The following IHO1 variants were observed in gnomAD, a reference collection of about 807,000 sequenced individuals.
IHO1 encodes interactor of HORMAD1 1.
Under a neutral mutation model 31.0 loss-of-function variants are expected in IHO1, and 13 were observed. The ratio of observed to expected loss-of-function variants is 0.42; its 90% confidence interval spans 0.27 to 0.67. The LOEUF is 0.67. Ranked by LOEUF, IHO1 falls within the 30% of genes least tolerant of loss-of-function variation. The probability of loss-of-function intolerance (pLI) is 0.24; values close to 1 mark genes in which losing one functional copy is unlikely to be tolerated. For synonymous variants in IHO1, 221 were observed against 248.4 expected, an observed-to-expected ratio of 0.89 and a Z score of 1.04; for missense variants, 599 against 687.5, an observed-to-expected ratio of 0.87 and a Z score of 1.44.
At chr3:49,235,112 A>G (rs1187271865) in intron 2 of IHO1, among the ~76,000 whole-genome samples, 1 of 151,844 alleles carries the variant, frequency 6.6e-6, no homozygotes, top group Non-Finnish European at 1.5e-5. Context: ...CCAAAGTGCT[A>G]GCTAGGATTA....
At chr3:49,207,388 G>A (rs546559289) in intron 1 of IHO1, among the ~76,000 whole-genome samples, 67 of 151,794 alleles carry the variant, frequency 4.4e-4, no homozygotes, top group Non-Finnish European at 8.4e-4. Flanking sequence ...TGGGACTACA[G>A]GTGCATGCCA....
At chr3:49,238,925 T>A (rs1359179701) in intron 3 of IHO1, among the ~76,000 whole-genome samples, 1 of 152,144 alleles carries the variant, frequency 6.6e-6, no homozygotes, top group Non-Finnish European at 1.5e-5. Context: ...GTTTTGCACA[T>A]AGTGTTATCA....
chr3:49,252,664 C>G (rs1428085171), intron 6 of IHO1, among the ~76,000 whole-genome samples: 1 of 152,164 alleles, frequency 6.6e-6, no homozygotes, highest in East Asian at 1.9e-4. Context: ...CCAAGCAATC[C>G]TCCCGCCTCA....
chr3:49,248,124 CAAAA>C (rs60797316), intron 6 of IHO1, among the ~76,000 whole-genome samples: 2 of 107,530 alleles, frequency 1.9e-5, no homozygotes, highest in Non-Finnish European at 1.9e-5. Flanking sequence ...GACTCCATCT[CAAAA>C]AAAAAAAAAA....
intron 2 of IHO1, among the ~76,000 whole-genome samples, chr3:49,222,188 A>G (rs767693846): frequency 2.5e-4 from 38 of 152,234 alleles, no homozygotes; most frequent in Non-Finnish European, 4.3e-4. Context: ...TTCTGTAGCC[A>G]TAGCTGTTCC....
chr3:49,196,984 T>C (rs1420784211), upstream of IHO1, among the ~76,000 whole-genome samples: 1 of 138,452 alleles, frequency 7.2e-6, no homozygotes, highest in African/African-American at 2.7e-5. Flanking sequence ...TTTTACTTTT[T>C]TTTTTTTTTT....
At chr3:49,213,208 C>T (rs2046244449) in intron 2 of IHO1, among the ~76,000 whole-genome samples, 2 of 151,514 alleles carry the variant, frequency 1.3e-5, no homozygotes, top group Admixed American at 6.6e-5. Flanking sequence ...CTCCAAGTCC[C>T]CACTAGATTA....
At chr3:49,246,242 G>A (rs1252378996) in intron 6 of IHO1, among the ~76,000 whole-genome samples, 8 of 149,992 alleles carry the variant, frequency 5.3e-5, no homozygotes, top group African/African-American at 2.0e-4. Flanking sequence ...CCCACAAGAA[G>A]TAGCAAGACA....
At chr3:49,249,940 T>C (rs779167391) in intron 6 of IHO1, among the ~76,000 whole-genome samples, 8 of 152,198 alleles carry the variant, frequency 5.3e-5, no homozygotes, top group South Asian at 2.1e-4. Context: ...CTCATCTCAA[T>C]TGAGGCCTTA....
At chr3:49,241,524 G>T in intron 4 of IHO1, 135 bp downstream of exon 4, 1 of 642,232 alleles carries the variant, frequency 1.6e-6, no homozygotes, top group Non-Finnish European at 2.6e-6. Flanking sequence ...CAAACCATAG[G>T]ACTTACACAC....
chr3:49,209,634 TA>T (rs780368754), intron 1 of IHO1, among the ~76,000 whole-genome samples: 507 of 138,012 alleles, frequency 3.7e-3, no homozygotes, highest in Middle Eastern at 3.6e-3. Context: ...GGACTTCATC[TA>T]AAAAAAAAAA....
chr3:49,214,859 C>CA (rs2046269015), intron 2 of IHO1, among the ~76,000 whole-genome samples: 1 of 151,140 alleles, frequency 6.6e-6, no homozygotes, highest in Non-Finnish European at 1.5e-5. Flanking sequence ...AGTCTGATCT[C>CA]AAACAACTGA....
rs2046220376 is a variant in IHO1 at position 49,211,826 on chromosome 3, T to C, written c.46T>C (p.Ser16Pro). The change falls in exon 2 of 8, where the codon TCA becomes CCA. Residue 16 changes from serine to proline, a missense_variant. Transcript: ENST00000452691. ...WNIKEMLSIP[S>P]GSGNKKSSNW... The stretch of plus-strand genomic sequence containing the variant: ...TATCAAAGAGATGCTCAGTATTCCT[T>C]CAGGCTCTGGGTAAGTTTTCTGGTT... The C allele has an allele frequency of 2.5e-6, 4 of 1,570,712 alleles. No homozygotes were observed. Among genetic ancestry groups the C allele is most frequent in the Middle Eastern group, 1.7e-4 (1 of 5,970 alleles).
At chr3:49,212,130 C>T (rs1279380515) in intron 2 of IHO1, among the ~76,000 whole-genome samples, 1 of 147,996 alleles carries the variant, frequency 6.8e-6, no homozygotes, top group African/African-American at 2.5e-5. Context: ...CGCCACTGCA[C>T]TCCAGCCTGG....
chr3:49,205,921 C>T (rs1170026732), intron 1 of IHO1, among the ~76,000 whole-genome samples: 1 of 151,636 alleles, frequency 6.6e-6, no homozygotes, highest in Non-Finnish European at 1.5e-5. Flanking sequence ...AGGCACGTGC[C>T]ACCACGTCCA....
At chr3:49,193,400 C>G in the IHO1 span, among the ~76,000 whole-genome samples, 1 of 151,212 alleles carries the variant, frequency 6.6e-6, no homozygotes, top group African/African-American at 2.4e-5. Context: ...AAACAAAAAC[C>G]GTAAAGATGT....
At chr3:49,210,029 CTT>C (rs966102422) in intron 1 of IHO1, among the ~76,000 whole-genome samples, 37 of 136,412 alleles carry the variant, frequency 2.7e-4, no homozygotes, top group Admixed American at 4.4e-4. Context: ...TTCTTTCTTT[CTT>C]TTTTTTTTTT....
At chr3:49,233,012 C>G (rs1474854606) in intron 2 of IHO1, among the ~76,000 whole-genome samples, 1 of 152,058 alleles carries the variant, frequency 6.6e-6, no homozygotes, top group Non-Finnish European at 1.5e-5. Flanking sequence ...AGAATTGGAC[C>G]TGGTCAGAAA....
chr3:49,248,916 A>G (rs1406879545), intron 6 of IHO1, among the ~76,000 whole-genome samples: 1 of 152,216 alleles, frequency 6.6e-6, no homozygotes, highest in Admixed American at 6.5e-5. Flanking sequence ...GCATATGGCC[A>G]GGTCCAGTCC....
Sources: gnomAD v4.1 joint callset for allele counts (sites outside exome capture counted in the v4.1 genomes callset) on GRCh38, gnomAD v4.1.1 for gene constraint, MANE v1.5 for transcripts, NCBI Gene and HGNC (gene_info 2026-07-23, HGNC 2026-07-21) for gene names.